PPP1R12B: variants seen among roughly 807,000 people sequenced by gnomAD.
The protein encoded by PPP1R12B is myosin phosphatase target subunit 2.
In PPP1R12B, 76 loss-of-function variants were observed where a neutral mutation model predicts 126.1. The ratio of observed to expected loss-of-function variants is 0.60; its 90% CI spans 0.50 to 0.73. The LOEUF (loss-of-function observed/expected upper bound fraction) is 0.73. Among genes scored for constraint, PPP1R12B ranks in the 30% least tolerant of loss-of-function variants. The pLI, the probability that PPP1R12B is intolerant of heterozygous loss-of-function variation, is 0.00. For synonymous variants in PPP1R12B, 356 were observed against 434.7 expected, an observed-to-expected ratio of 0.82 and a Z score of 2.25; for missense variants, 1,052 against 1,205.1, an observed-to-expected ratio of 0.87 and a Z score of 1.88.
chr1:202,377,829 G>A lies in PPP1R12B; in HGVS notation c.291+28687G>A, dbSNP rs1218875945. ...GCAGGAGAAAGAAAGGTCAAAGACA[G>A]GTGTTTTTTTTTTTTTTTTTTTTTT... is the stretch of plus-strand genomic sequence containing the variant. On this transcript the variant is annotated intron_variant, in intron 1 of 23. Transcript: ENST00000608999. 4.9e-5 allele frequency among the ~76,000 whole-genome samples: 6 copies of A among 123,262 alleles called. No individual in the cohort carries two copies. The East Asian group carries it at 1.5e-3, about 31-fold the overall frequency. The allele number at this position is 123,262 out of a possible 152,430, so 80.9% of individuals were successfully genotyped here. A position where few individuals can be genotyped will look rare whatever the true frequency, so the allele number is the denominator to read the frequency against.
chr1:202,460,171 T>A (rs1269299685), intron 13 of PPP1R12B, among the ~76,000 whole-genome samples: 3 of 152,240 alleles, frequency 2.0e-5, no homozygotes, highest in Admixed American at 2.0e-4. Context: ...ACCTCTTTTT[T>A]AATTGTGCTC....
intron 13 of PPP1R12B, among the ~76,000 whole-genome samples, chr1:202,478,902 T>TA (rs1298723279): frequency 6.6e-6 from 1 of 152,240 alleles, no homozygotes; most frequent in Non-Finnish European, 1.5e-5. Context: ...GGCAGTAGGA[T>TA]AAGGGAGCCC....
chr1:202,561,690 A>G lies in PPP1R12B; in HGVS notation c.2508-1088A>G, dbSNP rs921724676. ...TTTATAATCAGGAAACTCAATAAAG[A>G]GATTTCTATTAACAAAAGAAGAAGA... On this transcript the variant is annotated intron_variant, in intron 19 of 23. Transcript: ENST00000608999. Among the ~76,000 whole-genome samples, 5 of 152,198 alleles carry G rather than the reference A, an allele frequency of 3.3e-5. No homozygotes were observed. The South Asian group carries it at 6.2e-4, about 19-fold the overall frequency.
rs111260872 is a variant in PPP1R12B at position 202,434,607 on chromosome 1, A to G, written c.1142-49A>G. ...AGCAGAAAAGGACATAGACACAAAG[A>G]TAAGATTTTTATACTAGTACTTGTT... On this transcript the variant is annotated intron_variant, in intron 8 of 23. Coordinates refer to ENST00000608999, the MANE Select transcript of PPP1R12B (RefSeq NM_002481.4). 1.4e-4 allele frequency: 226 copies of G among 1,576,638 alleles called. No homozygotes were observed. The African/African-American group carries it at 2.1e-3, about 14-fold the overall frequency.
chr1:202,440,639 A>T, intron 10 of PPP1R12B, 67 bp from the exon 11 acceptor site: 1 of 1,207,962 alleles, frequency 8.3e-7, no homozygotes, highest in Non-Finnish European at 1.2e-6. Context: ...CTGCTTTTTT[A>T]CTCAAAATGT....
chr1:202,385,891 C>T (rs1258127625), intron 1 of PPP1R12B, among the ~76,000 whole-genome samples: 1 of 151,268 alleles, frequency 6.6e-6, no homozygotes, highest in Admixed American at 6.6e-5. Flanking sequence ...AAGGAGACTG[C>T]TGTAACCATA....
chr1:202,576,361 C>A (rs1689091253), intron 23 of PPP1R12B: 1 of 152,216 alleles, frequency 6.6e-6, no homozygotes, highest in South Asian at 2.1e-4. Context: ...CAGCAACAAT[C>A]TAATTAGTCC....
chr1:202,355,404 C>A (rs931555910), intron 1 of PPP1R12B, among the ~76,000 whole-genome samples: 5 of 152,078 alleles, frequency 3.3e-5, no homozygotes, highest in Non-Finnish European at 7.4e-5. Context: ...TTCTATGATA[C>A]CCTGGAAAGG....
intron 15 of PPP1R12B, 53 bp downstream of exon 15, chr1:202,493,370 G>A: frequency 6.5e-7 from 1 of 1,539,580 alleles, no homozygotes; most frequent in East Asian, 2.4e-5. Flanking sequence ...TAATTAGTTT[G>A]GGGAGTATCT....
chr1:202,363,703 A>T (rs186685661), intron 1 of PPP1R12B, among the ~76,000 whole-genome samples: 1 of 152,328 alleles, frequency 6.6e-6, no homozygotes, highest in African/African-American at 2.4e-5. Context: ...GTTCCAGGAT[A>T]TTATAGCAAA....
At chr1:202,487,773 A>G (rs1372290738) in intron 13 of PPP1R12B, among the ~76,000 whole-genome samples, 2 of 151,954 alleles carry the variant, frequency 1.3e-5, no homozygotes, top group African/African-American at 4.8e-5. Context: ...ACATCTGGCT[A>G]ATTTTTGTAT....
chr1:202,456,224 G>A (rs7539537), intron 13 of PPP1R12B, among the ~76,000 whole-genome samples: 61,892 of 150,904 alleles, frequency 0.41, 14,645 homozygotes, highest in East Asian at 0.7. Flanking sequence ...AGCCGAGATT[G>A]TACCAGTGCA....
chr1:202,571,927 C>G (rs948532510), intron 23 of PPP1R12B, among the ~76,000 whole-genome samples: 2 of 152,160 alleles, frequency 1.3e-5, no homozygotes, highest in African/African-American at 4.8e-5. Context: ...TCCAGCACCC[C>G]CTAGAGGACT....
At position 202,582,506 on chromosome 1, in the gene PPP1R12B, T is replaced by G. The variant is rs1689601398; in HGVS notation, c.*1946T>G. 1 of 152,628 alleles carries G rather than the reference T, an allele frequency of 6.6e-6. No individual in the cohort carries two copies. Among genetic ancestry groups the G allele is most frequent in the Admixed American group, 6.5e-5 (1 of 15,274 alleles). 9.5% of individuals were successfully genotyped at this position (152,628 alleles called of 1,614,324 possible). On this transcript the variant is annotated 3_prime_UTR_variant, in exon 24 of 24. Transcript: ENST00000608999. ...CCTTAATATATACTACCTCTGTCTGTTAATTCTTTCCTAACATGACATGTA... is the reference window on the plus strand; with the variant it reads ...CCTTAATATATACTACCTCTGTCTGGTAATTCTTTCCTAACATGACATGTA...
rs1330713251 is a variant in PPP1R12B at position 202,588,934 on chromosome 1, G to A, written c.*8374G>A. On this transcript the variant is annotated 3_prime_UTR_variant, in exon 24 of 24. Coordinates refer to ENST00000608999, the MANE Select transcript of PPP1R12B (RefSeq NM_002481.4). Reference sequence around the variant, plus strand: ...ACGGTTATTTCTTGGAAGACACCAGGTTTAAGTGACAAAGGTGTTGAGGCC... The same window carrying A: ...ACGGTTATTTCTTGGAAGACACCAGATTTAAGTGACAAAGGTGTTGAGGCC... 1 of 152,126 alleles carries A rather than the reference G, an allele frequency of 6.6e-6. No homozygotes were observed. Among genetic ancestry groups the A allele is most frequent in the African/African-American group, 2.4e-5 (1 of 41,408 alleles). The allele number at this position is 152,126 out of a possible 1,614,324, so 9.4% of individuals were successfully genotyped here.
intron 1 of PPP1R12B, among the ~76,000 whole-genome samples, chr1:202,401,412 A>T (rs1571839057): frequency 8.9e-6 from 1 of 112,096 alleles, no homozygotes; most frequent in African/African-American, 3.5e-5. Context: ...TTCTTGCCAC[A>T]TTGCCCAGGC....
intron 18 of PPP1R12B, among the ~76,000 whole-genome samples, chr1:202,557,689 A>G (rs1687100713): frequency 6.6e-6 from 1 of 152,232 alleles, no homozygotes; most frequent in African/African-American, 2.4e-5. Flanking sequence ...TTCTAGACCT[A>G]CTGAAACAGC....
chr1:202,434,025 G>A (rs1670510576), intron 8 of PPP1R12B, among the ~76,000 whole-genome samples: 1 of 152,230 alleles, frequency 6.6e-6, no homozygotes, highest in Admixed American at 6.5e-5. Context: ...AGAGATATAA[G>A]TGTAGTCAAT....
rs758011283 is a variant in PPP1R12B at position 202,442,491 on chromosome 1, A to G, written c.1586A>G (p.Gln529Arg). The G allele has an allele frequency of 6.2e-7, 1 of 1,613,786 alleles. No homozygotes were observed. The highest frequency in any genetic ancestry group is 8.5e-7 in the Non-Finnish European group (1 of 1,179,842). Residue 529 changes from glutamine to arginine, a missense_variant, in exon 12 of 24, where the codon CAG becomes CGG. Physicochemically the swap from Gln to Arg is conservative, Grantham distance 43. Transcript: ENST00000608999. Reference sequence around the variant, plus strand: ...GTGAGGAGTGGCTCCTATACCCGGCAGCTATGGAGGGATGAAGCAAAAGGA... The same window carrying G: ...GTGAGGAGTGGCTCCTATACCCGGCGGCTATGGAGGGATGAAGCAAAAGGA... ...NLVRSGSYTR[Q>R]LWRDEAKGNE...
Sources: allele counts gnomAD v4.1 joint callset (sites outside exome capture counted in the v4.1 genomes callset), GRCh38; gene constraint gnomAD v4.1.1; transcripts MANE v1.5; gene names NCBI Gene and HGNC (gene_info 2026-07-23, HGNC 2026-07-21).